The following PTPRA variants were observed in gnomAD, a reference collection of about 807,000 sequenced individuals.
PTPRA encodes protein tyrosine phosphatase receptor type A.
A neutral mutation model predicts 104.8 loss-of-function variants in PTPRA; 25 were observed. The observed-to-expected ratio is 0.24, with a 90% CI of 0.17 to 0.33. The LOEUF (loss-of-function observed/expected upper bound fraction) is 0.33, where lower values mean the gene tolerates loss of function less well. Ranked by LOEUF, PTPRA falls within the 10% of genes least tolerant of loss-of-function variation. The pLI, the probability that PTPRA is intolerant of heterozygous loss-of-function variation, is 1.00. For missense variants in PTPRA, 765 were observed against 1,015.3 expected, an observed-to-expected ratio of 0.75 and a Z score of 3.35; for synonymous variants, 323 against 368.9, an observed-to-expected ratio of 0.88 and a Z score of 1.43.
At chr20:2,994,472 C>A (rs959208288) in intron 9 of PTPRA, among the ~76,000 whole-genome samples, 1 of 152,216 alleles carries the variant, frequency 6.6e-6, no homozygotes, top group South Asian at 2.1e-4. Flanking sequence ...GATCAGGAAT[C>A]CCATTTTGAA....
At chr20:2,920,426 C>T (rs1441153940) in intron 1 of PTPRA, among the ~76,000 whole-genome samples, 1 of 152,138 alleles carries the variant, frequency 6.6e-6, no homozygotes, top group African/African-American at 2.4e-5. Flanking sequence ...CCAACCCCAA[C>T]TCCCTCTTTC....
At chr20:2,915,144 A>G (rs770104810) in intron 1 of PTPRA, among the ~76,000 whole-genome samples, 51 of 151,918 alleles carry the variant, frequency 3.4e-4, no homozygotes, top group Non-Finnish European at 6.8e-4. Flanking sequence ...GTGGCTATTC[A>G]CATAGGCCAT....
intron 2 of PTPRA, among the ~76,000 whole-genome samples, chr20:2,932,361 A>G (rs1041789837): frequency 1.3e-5 from 2 of 152,222 alleles, no homozygotes; most frequent in East Asian, 1.9e-4. Flanking sequence ...TACATCTTAT[A>G]CAAGTTTAGT....
chr20:2,967,382 C>T (rs913450688), intron 5 of PTPRA, among the ~76,000 whole-genome samples: 1 of 152,166 alleles, frequency 6.6e-6, no homozygotes, highest in Non-Finnish European at 1.5e-5. Flanking sequence ...CCCCACATCC[C>T]ACTTATCACC....
In PTPRA at chr20:2,978,190, T is replaced by C. The variant is rs559404656; in HGVS notation, c.442+2949T>C. Among the ~76,000 whole-genome samples the C allele has an allele frequency of 6.6e-5, 10 of 152,212 alleles. 1 individual carries two copies. The highest frequency in any genetic ancestry group is 6.2e-4 in the South Asian group (3 of 4,820). ...CTGAAGATGATGGTGAGTAAGGAAG[T>C]AACATAGTCAGATTTTGGTTTTAGA... On this transcript the variant is annotated intron_variant, in intron 6 of 23. Coordinates refer to ENST00000399903, the MANE Select transcript of PTPRA (RefSeq NM_001385305.1).
chr20:2,986,312 T>C (rs2062908629), intron 6 of PTPRA, among the ~76,000 whole-genome samples: 1 of 152,208 alleles, frequency 6.6e-6, no homozygotes, highest in African/African-American at 2.4e-5. Context: ...TTCCTCTAGA[T>C]GGAACCCATT....
At chr20:3,018,990 C>T (rs1429534117) in intron 13 of PTPRA, among the ~76,000 whole-genome samples, 1 of 138,336 alleles carries the variant, frequency 7.2e-6, no homozygotes, top group Non-Finnish European at 1.6e-5. Flanking sequence ...GCTGATCCCC[C>T]AACCTCCCTC....
At position 2,988,569 on chromosome 20, in the gene PTPRA, G is replaced by T. The variant is rs571446245; in HGVS notation, c.738+95G>T. 145 of 1,498,590 alleles carry T rather than the reference G, an allele frequency of 9.7e-5. No homozygotes were observed. In the South Asian group the frequency reaches 1.8e-3, roughly 18 times the overall value. The allele number at this position is 1,498,590 out of a possible 1,614,324, so 92.8% of individuals were successfully genotyped here. A position where few individuals can be genotyped will look rare whatever the true frequency, so the allele number is the denominator to read the frequency against. On this transcript the variant is annotated intron_variant, in intron 9 of 23. Coordinates refer to ENST00000399903, the MANE Select transcript of PTPRA (RefSeq NM_001385305.1). ...TTTGGAGTCATGAAGTAAAAAATGGGCTTTTAATGTTTAAGAGGTGAGAAA... is the reference window on the plus strand; with the variant it reads ...TTTGGAGTCATGAAGTAAAAAATGGTCTTTTAATGTTTAAGAGGTGAGAAA...
intron 5 of PTPRA, among the ~76,000 whole-genome samples, chr20:2,970,875 G>A (rs1379977771): frequency 2.5e-4 from 38 of 151,882 alleles, no homozygotes; most frequent in Admixed American, 2.5e-3. Flanking sequence ...AGTGAGCTAT[G>A]GATCTGTTTT....
chr20:3,029,430 C>G (rs2065311118), intron 20 of PTPRA, among the ~76,000 whole-genome samples: 1 of 151,840 alleles, frequency 6.6e-6, no homozygotes, highest in Admixed American at 6.6e-5. Context: ...TTTGAACCAC[C>G]TTGCCCGGCA....
chr20:2,961,016 T>G (rs1027923245), intron 3 of PTPRA, among the ~76,000 whole-genome samples: 1 of 152,206 alleles, frequency 6.6e-6, no homozygotes, highest in Non-Finnish European at 1.5e-5. Flanking sequence ...CATCACTTAT[T>G]TATCCATTCG....
chr20:2,938,788 A>G (rs1056022350), intron 2 of PTPRA, among the ~76,000 whole-genome samples: 1 of 152,116 alleles, frequency 6.6e-6, no homozygotes, highest in Non-Finnish European at 1.5e-5. Flanking sequence ...TATGTCTTCT[A>G]TATGCTGAGT....
At chr20:2,890,006 C>T (rs1245541002) in intron 1 of PTPRA, among the ~76,000 whole-genome samples, 1 of 151,610 alleles carries the variant, frequency 6.6e-6, no homozygotes, top group Non-Finnish European at 1.5e-5. Flanking sequence ...GCCTCAGCCT[C>T]CTGAGTAAGT....
the PTPRA span, chr20:2,864,537 G>T: frequency 6.2e-7 from 1 of 1,614,164 alleles, no homozygotes; most frequent in Non-Finnish European, 8.5e-7. The surrounding 1 kb of genome is among the most constrained non-coding windows in gnomAD (Gnocchi z 5.2). Flanking sequence ...TTGCCTGCCT[G>T]TGGCCCCAGT....
At chr20:2,989,128 T>A (rs2063033564) in intron 9 of PTPRA, among the ~76,000 whole-genome samples, 1 of 152,176 alleles carries the variant, frequency 6.6e-6, no homozygotes, top group Non-Finnish European at 1.5e-5. Context: ...GCCTACCAGT[T>A]CTGATCCCAG....
At chr20:2,971,106 A>G in intron 5 of PTPRA, among the ~76,000 whole-genome samples, 2 of 152,214 alleles carry the variant, frequency 1.3e-5, no homozygotes, top group African/African-American at 4.8e-5. Context: ...AGTATTTAAT[A>G]TCCAGTAAAA....
intron 1 of PTPRA, among the ~76,000 whole-genome samples, chr20:2,898,443 A>G (rs190806476): frequency 0.014 from 2,119 of 148,636 alleles, 58 homozygotes; most frequent in African/African-American, 0.049. Context: ...CGAACTCCTG[A>G]CCTCAGGTGA....
intron 3 of PTPRA, among the ~76,000 whole-genome samples, chr20:2,949,397 C>T (rs975315050): frequency 6.6e-6 from 1 of 151,024 alleles, no homozygotes; most frequent in African/African-American, 2.4e-5. Flanking sequence ...TCTATGTAAA[C>T]AATCAGATTT....
Position 2,888,508 on chromosome 20 carries a change from T to C in PTPRA, c.-129+14748T>C, listed in dbSNP as rs997447319. 5.3e-5 allele frequency among the ~76,000 whole-genome samples: 8 copies of C among 150,956 alleles called. No individual in the cohort carries two copies. In the East Asian group the frequency reaches 1.2e-3, roughly 22 times the overall value. On this transcript the variant is annotated intron_variant, in intron 1 of 23. Coordinates refer to ENST00000399903, the MANE Select transcript of PTPRA (RefSeq NM_001385305.1). ...CAGGAGATCAAGGCTGCAGTGAACATACCACAGCACTCCAGCCTGGGCAGC... is the reference window on the plus strand; with the variant it reads ...CAGGAGATCAAGGCTGCAGTGAACACACCACAGCACTCCAGCCTGGGCAGC...
Sources: allele counts gnomAD v4.1 joint callset (sites outside exome capture counted in the v4.1 genomes callset), GRCh38; gene constraint gnomAD v4.1.1; non-coding constraint Gnocchi (gnomAD v3.1); transcripts MANE v1.5; gene names NCBI Gene and HGNC (gene_info 2026-07-23, HGNC 2026-07-21).